Variants in TMTC1 observed in about 807,000 individuals in gnomAD.
The protein encoded by TMTC1 is protein O-mannosyl-transferase TMTC1.
A neutral mutation model predicts 104.8 loss-of-function variants in TMTC1; 73 were observed. That is an observed-to-expected ratio of 0.70 (90% CI 0.58 to 0.85). TMTC1 has a LOEUF of 0.85. Ranked by LOEUF, TMTC1 falls within the 40% of genes least tolerant of loss-of-function variation. TMTC1 has a pLI of 0.00. For synonymous variants in TMTC1, 434 were observed against 428.7 expected (o/e 1.01, Z -0.15); for missense variants, 1,035 against 1,096.1 (o/e 0.94, Z 0.79).
At position 29,783,888 on chromosome 12, in the gene TMTC1, C is replaced by T; in HGVS notation, c.-137G>A. On this transcript the variant is annotated 5_prime_UTR_variant, in exon 1 of 18. Coordinates refer to ENST00000539277, the MANE Select transcript of TMTC1 (RefSeq NM_001193451.2). This position sits in a 1 kb window ranked among gnomAD's most constrained non-coding sequence, Gnocchi z 4.7. The stretch of plus-strand genomic sequence containing the variant: ...CTGCGGCAGCTGGACCCGCCGCGAG[C>T]TCCCCGCGCTCCGCCGCCGCCTGCG... The T allele has an allele frequency of 1.2e-6, 1 of 849,536 alleles. No individual in the cohort carries two copies. 52.6% of individuals were successfully genotyped at this position (849,536 alleles called of 1,614,324 possible).
rs12824107 is a variant in TMTC1, at chr12:29,553,736, T to C, written c.1676+3121A>G. 9.4e-3 allele frequency among the ~76,000 whole-genome samples: 1,438 copies of C among 152,320 alleles called. 16 individuals are homozygous for C. Among genetic ancestry groups the C allele is most frequent in the South Asian group, 0.037 (179 of 4,824 alleles). ...CTCCTCTTACTGTGAAAAGTAGCCA[T>C]TGCCAAGTTCCAAAATGCATTTTTA... is the stretch of plus-strand genomic sequence containing the variant. On this transcript the variant is annotated intron_variant, in intron 10 of 17. Coordinates refer to ENST00000539277, the MANE Select transcript of TMTC1 (RefSeq NM_001193451.2).
chr12:29,771,982 G>A (rs982544173), intron 1 of TMTC1, among the ~76,000 whole-genome samples: 6 of 152,124 alleles, frequency 3.9e-5, no homozygotes, highest in African/African-American at 1.2e-4. Context: ...TCAGATGAAT[G>A]AATAAACATG....
chr12:29,606,129 TG>T (rs1215235962), intron 6 of TMTC1, among the ~76,000 whole-genome samples: 38 of 152,228 alleles, frequency 2.5e-4, no homozygotes, highest in African/African-American at 8.4e-4. Flanking sequence ...GTATCTAGGC[TG>T]ATTCCATGTC....
At chr12:29,540,851 C>T (rs911234319) in intron 10 of TMTC1, among the ~76,000 whole-genome samples, 3 of 151,942 alleles carry the variant, frequency 2.0e-5, no homozygotes, top group Admixed American at 1.3e-4. Context: ...AAAAATTAGC[C>T]AGGCACAGTG....
At chr12:29,763,645 A>G (rs1249338182) in intron 2 of TMTC1, among the ~76,000 whole-genome samples, 1 of 152,210 alleles carries the variant, frequency 6.6e-6, no homozygotes, top group Non-Finnish European at 1.5e-5. Context: ...TTACCAAGAG[A>G]AGACTGAAGA....
chr12:29,682,982 A>C lies in TMTC1; in HGVS notation c.939-49646T>G, dbSNP rs576793704. On this transcript the variant is annotated intron_variant, in intron 5 of 17. Transcript: ENST00000539277. ...AGCAACTGAACAAAGGGGATAGAGAATCTCTCTCTACTATTTCTAGATTTT... is the reference window on the plus strand; with the variant it reads ...AGCAACTGAACAAAGGGGATAGAGACTCTCTCTCTACTATTTCTAGATTTT... Among the ~76,000 whole-genome samples, 4 of 152,190 alleles carry C rather than the reference A, an allele frequency of 2.6e-5. No homozygotes were observed. The East Asian group carries it at 7.7e-4, about 29-fold the overall frequency.
At chr12:29,557,144 A>G (rs1945267354) in intron 9 of TMTC1, 144 bp from the exon 10 acceptor site, 1 of 886,362 alleles carries the variant, frequency 1.1e-6, no homozygotes, top group Non-Finnish European at 1.7e-6. Context: ...GTCCAATCTT[A>G]CTGGTCAACG....
rs146644126 is a variant in TMTC1, at chr12:29,748,894, A to G, written c.938+2772T>C. Among the ~76,000 whole-genome samples, 359 of 152,362 alleles carry G rather than the reference A, an allele frequency of 2.4e-3. 2 individuals are homozygous for G. The highest frequency in any genetic ancestry group is 8.2e-3 in the African/African-American group (343 of 41,580). On this transcript the variant is annotated intron_variant, in intron 5 of 17. Transcript: ENST00000539277. ...TCATATTTTAAACAAGGTAGTACAT[A>G]TTCAAAGCTCACTACTCTTGAGTTG...
intron 7 of TMTC1, among the ~76,000 whole-genome samples, chr12:29,599,356 C>T (rs1279763783): frequency 6.6e-6 from 1 of 152,182 alleles, no homozygotes; most frequent in Non-Finnish European, 1.5e-5. Flanking sequence ...AAAGATTATT[C>T]CAATTTCTTT....
chr12:29,773,518 C>T (rs1943641013), intron 1 of TMTC1, among the ~76,000 whole-genome samples: 1 of 152,116 alleles, frequency 6.6e-6, no homozygotes, highest in Non-Finnish European at 1.5e-5. Flanking sequence ...ACCCCAACTC[C>T]ATGTCAATCA....
intron 7 of TMTC1, 138 bp downstream of exon 7, chr12:29,604,040 G>C: frequency 2.5e-6 from 3 of 1,196,384 alleles, no homozygotes; most frequent in Non-Finnish European, 2.3e-6. Flanking sequence ...CTGTGTGGCT[G>C]TTTTTAAAGC....
intron 1 of TMTC1, among the ~76,000 whole-genome samples, chr12:29,769,038 A>C (rs943238941): frequency 2.6e-5 from 4 of 152,144 alleles, no homozygotes; most frequent in Non-Finnish European, 4.4e-5. Flanking sequence ...CCAAAACAGC[A>C]ATCCCAGGTC....
At chr12:29,665,023 A>G (rs2136658964) in intron 5 of TMTC1, among the ~76,000 whole-genome samples, 1 of 152,278 alleles carries the variant, frequency 6.6e-6, no homozygotes, top group East Asian at 1.9e-4. Context: ...TCCTTCCTTT[A>G]TTAATGAATG....
intron 5 of TMTC1, among the ~76,000 whole-genome samples, chr12:29,749,128 C>A (rs1277567388): frequency 6.6e-6 from 1 of 152,038 alleles, no homozygotes; most frequent in Non-Finnish European, 1.5e-5. Context: ...CTTTGGAGAG[C>A]CAGTTATTAA....
At chr12:29,731,297 C>T (rs1942538548) in intron 5 of TMTC1, among the ~76,000 whole-genome samples, 1 of 152,196 alleles carries the variant, frequency 6.6e-6, no homozygotes, top group Non-Finnish European at 1.5e-5. Flanking sequence ...GCTGGGATTA[C>T]AGATGTCTGC....
intron 7 of TMTC1, among the ~76,000 whole-genome samples, chr12:29,599,103 T>C (rs373592402): frequency 2.4e-4 from 36 of 152,346 alleles, no homozygotes; most frequent in African/African-American, 8.2e-4. Context: ...ATTCAGTCAC[T>C]TTCTGTAACA....
chr12:29,608,881 C>T (rs1196383508), intron 6 of TMTC1, among the ~76,000 whole-genome samples: 1 of 152,172 alleles, frequency 6.6e-6, no homozygotes, highest in East Asian at 1.9e-4. Context: ...CTAGTAGCTT[C>T]TGGTTTATCC....
chr12:29,761,591 T>TTG (rs72512278), intron 2 of TMTC1, among the ~76,000 whole-genome samples: 2 of 151,658 alleles, frequency 1.3e-5, no homozygotes, highest in African/African-American at 4.8e-5. Flanking sequence ...CGTTTTTTTT[T>TTG]TAATCCAAGA....
intron 7 of TMTC1, among the ~76,000 whole-genome samples, chr12:29,584,473 G>A (rs1188436848): frequency 1.3e-5 from 2 of 150,664 alleles, no homozygotes; most frequent in African/African-American, 4.9e-5. Flanking sequence ...TTAAGTTTTA[G>A]GGTACATGTG....
Sources: gnomAD v4.1 joint callset for allele counts (sites outside exome capture counted in the v4.1 genomes callset) on GRCh38, gnomAD v4.1.1 for gene constraint, Gnocchi (gnomAD v3.1) non-coding constraint, MANE v1.5 for transcripts, NCBI Gene and HGNC (gene_info 2026-07-23, HGNC 2026-07-21) for gene names.